The following XYLT1 variants were observed in gnomAD, a reference collection of about 807,000 sequenced individuals.
XYLT1 encodes the protein xylosyltransferase 1, also known as beta-D-xylosyltransferase 1.
Under a neutral mutation model 91.3 loss-of-function variants are expected in XYLT1, and 36 were observed. The ratio of observed to expected loss-of-function variants is 0.39; its 90% CI spans 0.30 to 0.52. The LOEUF (loss-of-function observed/expected upper bound fraction) is 0.52, where lower values mean the gene tolerates loss of function less well. XYLT1 is among the 20% of genes least tolerant of loss of function. XYLT1 has a pLI of 0.68. For synonymous variants in XYLT1, 588 were observed against 532.0 expected, an observed-to-expected ratio of 1.11 and a Z score of -1.45; for missense variants, 1,242 against 1,284.5, an observed-to-expected ratio of 0.97 and a Z score of 0.51.
At chr16:17,419,962 G>T (rs2036231053) in intron 1 of XYLT1, among the ~76,000 whole-genome samples, 1 of 152,130 alleles carries the variant, frequency 6.6e-6, no homozygotes, top group South Asian at 2.1e-4. Flanking sequence ...GATAAATAAT[G>T]AATCCAAAAT....
intron 1 of XYLT1, among the ~76,000 whole-genome samples, chr16:17,440,277 A>G (rs939377017): frequency 6.6e-6 from 1 of 152,248 alleles, no homozygotes; most frequent in Admixed American, 6.5e-5. Flanking sequence ...GATAACCTTC[A>G]TAACATTTTC....
At chr16:17,142,978 G>A (rs1283035342) in intron 6 of XYLT1, among the ~76,000 whole-genome samples, 1 of 152,018 alleles carries the variant, frequency 6.6e-6, no homozygotes, top group Non-Finnish European at 1.5e-5. Flanking sequence ...TTTTTCCCAT[G>A]AACCCTAGAT....
intron 3 of XYLT1, among the ~76,000 whole-genome samples, chr16:17,257,772 T>A (rs796532570): frequency 1.4e-4 from 22 of 152,252 alleles, no homozygotes; most frequent in African/African-American, 4.8e-4. Flanking sequence ...TGAAAAAAAT[T>A]GGGCTCATGA....
intron 1 of XYLT1, among the ~76,000 whole-genome samples, chr16:17,378,474 T>C (rs1217110678): frequency 6.6e-6 from 1 of 152,238 alleles, no homozygotes; most frequent in East Asian, 1.9e-4. Context: ...AAAAGGTGGA[T>C]CTTTTAATAT....
chr16:17,158,416 A>G (rs2031465287), intron 6 of XYLT1, among the ~76,000 whole-genome samples: 1 of 152,206 alleles, frequency 6.6e-6, no homozygotes, highest in Admixed American at 6.5e-5. Flanking sequence ...TAGAACAGCA[A>G]CTGGCACACG....
rs1567188736 is a variant in XYLT1, at chr16:17,398,828, ACT to A, written c.364-40780_364-40779del. Reference sequence around the variant, plus strand: ...TGTCCAAATGTCCCCGCCCCCCCCCACTGTTTTTTTGTTTTGTTTTGTTTTGT... The same window carrying A: ...TGTCCAAATGTCCCCGCCCCCCCCCAGTTTTTTTGTTTTGTTTTGTTTTGT... On this transcript the variant is annotated intron_variant, in intron 1 of 11. Transcript: ENST00000261381. 6.4e-3 allele frequency among the ~76,000 whole-genome samples: 45 copies of A among 6,990 alleles called. 1 individual carries two copies. In the South Asian group the frequency reaches 0.14, roughly 22 times the overall value. 4.6% of individuals were successfully genotyped at this position (6,990 alleles called of 152,430 possible).
intron 1 of XYLT1, among the ~76,000 whole-genome samples, chr16:17,383,548 T>C (rs1260090101): frequency 6.6e-6 from 1 of 151,876 alleles, no homozygotes; most frequent in Admixed American, 6.6e-5. Context: ...GCTCGGCAAC[T>C]GTTGACTTGC....
In XYLT1 at chr16:17,311,340, G is replaced by A. The variant is rs140632675; in HGVS notation, c.402+46672C>T. On this transcript the variant is annotated intron_variant, in intron 2 of 11. Coordinates refer to ENST00000261381, the MANE Select transcript of XYLT1 (RefSeq NM_022166.4). ...TCTGGTTCATGTGAGCAGCCTCGTG[G>A]GCTGCTCATGGGCTTCAGTAGCCTG... Among the ~76,000 whole-genome samples, 2 of 152,254 alleles carry A rather than the reference G, an allele frequency of 1.3e-5. 1 individual carries two copies. The highest frequency in any genetic ancestry group is 3.9e-4 in the East Asian group (2 of 5,176).
At chr16:17,239,603 C>A (rs1231303612) in intron 3 of XYLT1, among the ~76,000 whole-genome samples, 1 of 151,538 alleles carries the variant, frequency 6.6e-6, no homozygotes, top group East Asian at 1.9e-4. Context: ...GTCCATCCAT[C>A]CATCCATCCA....
chr16:17,251,038 G>A (rs2141748133), intron 3 of XYLT1: 1 of 152,336 alleles, frequency 6.6e-6, no homozygotes, highest in South Asian at 2.1e-4. Flanking sequence ...GCGGCTGTCA[G>A]CTACGCTTTC....
chr16:17,318,671 A>G (rs927606584), intron 2 of XYLT1, among the ~76,000 whole-genome samples: 2 of 152,234 alleles, frequency 1.3e-5, no homozygotes, highest in African/African-American at 4.8e-5. Context: ...CTACAGATGT[A>G]TATAATGAAC....
intron 1 of XYLT1, among the ~76,000 whole-genome samples, chr16:17,459,927 C>T (rs1194799231): frequency 6.6e-6 from 1 of 152,200 alleles, no homozygotes; most frequent in African/African-American, 2.4e-5. Flanking sequence ...GAGGAAGGAA[C>T]GCAGACAACC....
At chr16:17,354,477 G>A (rs1459808940) in intron 2 of XYLT1, among the ~76,000 whole-genome samples, 1 of 152,186 alleles carries the variant, frequency 6.6e-6, no homozygotes, top group Non-Finnish European at 1.5e-5. Context: ...ATGCGTGAAG[G>A]AAAGGGCCCC....
At chr16:17,316,784 CCT>C (rs139602117) in intron 2 of XYLT1, among the ~76,000 whole-genome samples, 2,159 of 151,454 alleles carry the variant, frequency 0.014, 56 homozygotes, top group African/African-American at 0.05. Flanking sequence ...TTACACAGAC[CCT>C]GTTACCTGAA....
At chr16:17,358,278 C>T (rs535339526) in intron 1 of XYLT1, among the ~76,000 whole-genome samples, 48 of 152,140 alleles carry the variant, frequency 3.2e-4, no homozygotes, top group African/African-American at 1.1e-3. Context: ...TGACTACAGG[C>T]ATGCACTATC....
intron 1 of XYLT1, among the ~76,000 whole-genome samples, chr16:17,461,363 T>A (rs1226758952): frequency 6.6e-6 from 1 of 152,198 alleles, no homozygotes; most frequent in Non-Finnish European, 1.5e-5. Flanking sequence ...GTGAGAGTGA[T>A]CTCCCTAGAG....
At chr16:17,412,979 G>A (rs1440386030) in intron 1 of XYLT1, among the ~76,000 whole-genome samples, 1 of 152,162 alleles carries the variant, frequency 6.6e-6, no homozygotes, top group Non-Finnish European at 1.5e-5. Flanking sequence ...TAGGCCAAGT[G>A]TGTCTGGAGA....
intron 3 of XYLT1, among the ~76,000 whole-genome samples, chr16:17,219,997 T>G (rs1279045137): frequency 6.6e-6 from 1 of 152,152 alleles, no homozygotes; most frequent in East Asian, 1.9e-4. Context: ...GAAGCTCATT[T>G]TAAACATGAG....
intron 1 of XYLT1, among the ~76,000 whole-genome samples, chr16:17,469,065 C>T (rs921440515): frequency 6.6e-6 from 1 of 152,214 alleles, no homozygotes; most frequent in Non-Finnish European, 1.5e-5. Flanking sequence ...AGACTTCTCC[C>T]TGCTACCCAC....
Sources: gnomAD v4.1 joint callset for allele counts (sites outside exome capture counted in the v4.1 genomes callset) on GRCh38, gnomAD v4.1.1 for gene constraint, MANE v1.5 for transcripts, NCBI Gene and HGNC (gene_info 2026-07-23, HGNC 2026-07-21) for gene names.